Variants in ADA2 observed in about 807,000 individuals in gnomAD.
The protein encoded by ADA2 is adenosine deaminase 2, also known as adenosine deaminase CECR1.
A neutral mutation model predicts 44.2 loss-of-function variants in ADA2; 29 were observed. The observed-to-expected ratio is 0.66, with a 90% CI of 0.49 to 0.89. The LOEUF is 0.89. Ranked by LOEUF, ADA2 falls within the 40% of genes least tolerant of loss-of-function variation. The probability of loss-of-function intolerance (pLI) is 0.00; values close to 1 mark genes in which losing one functional copy is unlikely to be tolerated. For missense variants in ADA2, 637 were observed against 644.8 expected (o/e 0.99, Z 0.13); for synonymous variants, 215 against 234.9 (o/e 0.92, Z 0.77).
intron 5 of ADA2, among the ~76,000 whole-genome samples, chr22:17,190,962 G>C (rs962716370): frequency 2.0e-4 from 31 of 152,372 alleles, no homozygotes; most frequent in African/African-American, 7.5e-4. Flanking sequence ...CCAGAGCCCA[G>C]GCTCGTGGGT....
rs2061942022 is a variant in ADA2, at chr22:17,179,220, C to T, written c.*2263G>A. On this transcript the variant is annotated 3_prime_UTR_variant, in exon 10 of 10. Transcript: ENST00000399837. ...GCCAGGTGAGGAGCTGGACTCTGATCACATGAGGTCTTTTATTTGGGGCGG... is the reference window on the plus strand; with the variant it reads ...GCCAGGTGAGGAGCTGGACTCTGATTACATGAGGTCTTTTATTTGGGGCGG... The T allele has an allele frequency of 6.6e-6, 1 of 152,344 alleles. No homozygotes were observed. Among genetic ancestry groups the T allele is most frequent in the Non-Finnish European group, 1.5e-5 (1 of 68,064 alleles). The allele number at this position is 152,344 out of a possible 1,614,324, so 9.4% of individuals were successfully genotyped here.
chr22:17,182,520 T>G (rs556167233), intron 8 of ADA2, 84 bp downstream of exon 8: 240 of 1,335,982 alleles, frequency 1.8e-4, no homozygotes, highest in South Asian at 7.9e-4. Context: ...TAAGGAGAGA[T>G]AAGTTATACA....
At position 17,203,563 on chromosome 22, in the gene ADA2, C is replaced by T. The variant is rs369924229; in HGVS notation, c.753G>A (p.Pro251=). ...GAACAGAGAGGAGAGCTGGGCTCAC[C>T]GGCAGCAGCCTGGCTCTGATCTCCA... is the stretch of plus-strand genomic sequence containing the variant. ...LYMEIRARLL[P]VYELSGEHHD... is the part of the protein sequence containing the mutation. Residue 251 remains proline (P), a splice_region_variant and synonymous_variant, in exon 4 of 10, where the codon CCG becomes CCA. Transcript: ENST00000399837. 33 of 1,610,930 alleles carry T rather than the reference C, an allele frequency of 2.0e-5. No homozygotes were observed. The highest frequency in any genetic ancestry group is 1.7e-4 in the African/African-American group (13 of 74,828).
intron 1 of ADA2, among the ~76,000 whole-genome samples, chr22:17,218,781 C>A (rs2062496939): frequency 6.6e-6 from 1 of 152,226 alleles, no homozygotes; most frequent in Admixed American, 6.5e-5. Context: ...ATATCTACTT[C>A]ATCTTCTCTC....
intron 1 of ADA2, among the ~76,000 whole-genome samples, chr22:17,215,574 C>A (rs1306543876): frequency 6.6e-6 from 1 of 150,906 alleles, no homozygotes; most frequent in Admixed American, 6.6e-5. Flanking sequence ...CCATTGCACT[C>A]CAGCCTGGGC....
chr22:17,218,559 G>A (rs1326956702), intron 1 of ADA2, among the ~76,000 whole-genome samples: 2 of 151,864 alleles, frequency 1.3e-5, no homozygotes, highest in African/African-American at 2.4e-5. Context: ...CAACAGCCCC[G>A]CCCCTTGTCC....
At chr22:17,184,281 C>T (rs1238954931) in intron 7 of ADA2, among the ~76,000 whole-genome samples, 2 of 152,254 alleles carry the variant, frequency 1.3e-5, no homozygotes, top group Non-Finnish European at 2.9e-5. Context: ...ACCTTTCTTG[C>T]AGCTAGGGCC....
At chr22:17,217,347 G>A (rs1216641927) in intron 1 of ADA2, among the ~76,000 whole-genome samples, 3 of 152,150 alleles carry the variant, frequency 2.0e-5, no homozygotes, top group African/African-American at 4.8e-5. Flanking sequence ...CAATCATTCT[G>A]TGGCCACACC....
At chr22:17,193,678 T>TAAAA (rs34505611) in intron 4 of ADA2, among the ~76,000 whole-genome samples, 1 of 126,786 alleles carries the variant, frequency 7.9e-6, no homozygotes, top group Non-Finnish European at 1.6e-5. Flanking sequence ...AAAAAAAAAC[T>TAAAA]AAAAAAAAAA....
chr22:17,202,899 C>G (rs1446674336), intron 4 of ADA2, among the ~76,000 whole-genome samples: 1 of 151,968 alleles, frequency 6.6e-6, no homozygotes, highest in Non-Finnish European at 1.5e-5. Flanking sequence ...TCTCCTGCCT[C>G]AGCCTCCCGA....
chr22:17,208,317 G>C (rs564690668), intron 2 of ADA2, among the ~76,000 whole-genome samples: 5 of 150,830 alleles, frequency 3.3e-5, no homozygotes, highest in African/African-American at 1.2e-4. Context: ...CCAGCTACTC[G>C]GGAGGCTGAG....
chr22:17,209,669 C>A lies in ADA2; in HGVS notation c.9G>T (p.Val3=). 6.2e-7 allele frequency: 1 copy of A among 1,611,912 alleles called. No individual in the cohort carries two copies. Among genetic ancestry groups the A allele is most frequent in the South Asian group, 1.1e-5 (1 of 91,032 alleles). The change falls in exon 2 of 10, where the codon GTG becomes GTT. Residue 3 remains valine (V), a synonymous_variant. Coordinates refer to ENST00000399837, the MANE Select transcript of ADA2 (RefSeq NM_001282225.2). ...GGGCTGGCCGCTCAGATGGGCCATC[C>A]ACCAACATCGGGATGCCTGGACTAG... ML[V]DGPSERPALC...
chr22:17,215,683 A>G (rs2062463951), intron 1 of ADA2, among the ~76,000 whole-genome samples: 2 of 152,224 alleles, frequency 1.3e-5, no homozygotes, highest in African/African-American at 4.8e-5. Context: ...GTTAAATGAA[A>G]TAAGCCAGAC....
rs2061952023 is a variant in ADA2 at position 17,180,070 on chromosome 22, G to T, written c.*1413C>A. 6.6e-6 allele frequency: 1 copy of T among 152,548 alleles called. No homozygotes were observed. Among genetic ancestry groups the T allele is most frequent in the Non-Finnish European group, 1.5e-5 (1 of 68,232 alleles). The allele number at this position is 152,548 out of a possible 1,614,324, so 9.4% of individuals were successfully genotyped here. A position where few individuals can be genotyped will look rare whatever the true frequency, so the allele number is the denominator to read the frequency against. ...CGCTTGAACCCGGGAGGTGGAGGTTGCAGTGAGCCGAGATCGCACCGCTGC... is the reference window on the plus strand; with the variant it reads ...CGCTTGAACCCGGGAGGTGGAGGTTTCAGTGAGCCGAGATCGCACCGCTGC... On this transcript the variant is annotated 3_prime_UTR_variant, in exon 10 of 10. Coordinates refer to ENST00000399837, the MANE Select transcript of ADA2 (RefSeq NM_001282225.2).
At chr22:17,197,722 C>T (rs1383159632) in intron 4 of ADA2, among the ~76,000 whole-genome samples, 2 of 152,188 alleles carry the variant, frequency 1.3e-5, no homozygotes, top group Non-Finnish European at 2.9e-5. Context: ...TCTCATTTTA[C>T]AGATAAGGAT....
intron 4 of ADA2, chr22:17,199,417 C>CCTCCCTCCCCTCCTCTATCCTCTTCCT: frequency 2.3e-6 from 2 of 853,928 alleles, no homozygotes; most frequent in Non-Finnish European, 1.9e-6. Context: ...CTCAGCGTCT[C>CCTCCCTCCCCTCCTCTATCCTCTTCCT]CTCCCTCCCC....
chr22:17,216,133 G>A (rs891794144), intron 1 of ADA2, among the ~76,000 whole-genome samples: 1 of 152,114 alleles, frequency 6.6e-6, no homozygotes, highest in African/African-American at 2.4e-5. Flanking sequence ...GTTGCAGTGA[G>A]CCGATATCGC....
At chr22:17,211,079 C>T (rs187391234) in intron 1 of ADA2, among the ~76,000 whole-genome samples, 407 of 152,028 alleles carry the variant, frequency 2.7e-3, no homozygotes, top group African/African-American at 8.6e-3. Context: ...AATAAAAATA[C>T]GGCTGGGCGC....
intron 4 of ADA2, among the ~76,000 whole-genome samples, chr22:17,201,186 G>A (rs1421319945): frequency 6.6e-6 from 1 of 151,364 alleles, no homozygotes; most frequent in Non-Finnish European, 1.5e-5. Context: ...TCCAGCCTGG[G>A]CGACAGAAAT....
Sources: gnomAD v4.1 joint callset for allele counts (sites outside exome capture counted in the v4.1 genomes callset) on GRCh38, gnomAD v4.1.1 for gene constraint, MANE v1.5 for transcripts, NCBI Gene and HGNC (gene_info 2026-07-23, HGNC 2026-07-21) for gene names.